The following PFKFB3 variants were observed in gnomAD, a reference collection of about 807,000 sequenced individuals.
The protein encoded by PFKFB3 is 6-phosphofructo-2-kinase/fructose-2,6-bisphosphatase 3.
PFKFB3 carries 33 observed loss-of-function variants against 68.0 expected under a neutral mutation model. The observed-to-expected ratio is 0.49, with a 90% confidence interval of 0.37 to 0.65. PFKFB3 has a LOEUF of 0.65. Ranked by LOEUF, PFKFB3 falls within the 30% of genes least tolerant of loss-of-function variation. The pLI, the probability that PFKFB3 is intolerant of heterozygous loss-of-function variation, is 0.00. For missense variants in PFKFB3, 586 were observed against 712.2 expected, an observed-to-expected ratio of 0.82 and a Z score of 2.02; for synonymous variants, 315 against 288.2, an observed-to-expected ratio of 1.09 and a Z score of -0.94.
the PFKFB3 span, among the ~76,000 whole-genome samples, chr10:6,268,027 T>C: frequency 6.6e-6 from 1 of 151,162 alleles, no homozygotes; most frequent in Non-Finnish European, 1.5e-5. Flanking sequence ...AAACCATGTG[T>C]AGTGTCCTGA....
At chr10:6,267,049 G>A in the PFKFB3 span, among the ~76,000 whole-genome samples, 1 of 152,184 alleles carries the variant, frequency 6.6e-6, no homozygotes, top group Non-Finnish European at 1.5e-5. Context: ...TTTAAAATTT[G>A]CTATTTAATG....
At chr10:6,262,312 G>T in the PFKFB3 span, among the ~76,000 whole-genome samples, 1 of 151,478 alleles carries the variant, frequency 6.6e-6, no homozygotes, top group Non-Finnish European at 1.5e-5. Flanking sequence ...AAATTAGCCG[G>T]GTGGGGTGGG....
Position 6,228,179 on chromosome 10 carries a change from C to T in PFKFB3, c.1515+1814C>T, listed in dbSNP as rs777722072. 1.9e-6 allele frequency: 3 copies of T among 1,612,772 alleles called. No individual in the cohort carries two copies. Among genetic ancestry groups the T allele is most frequent in the Admixed American group, 3.3e-5 (2 of 60,022 alleles). Reference sequence around the variant, plus strand: ...CCTGCCTCCTGACTGACTTCTCTCTCTGCTTCTCCTCCGCAGCCTTTGCTA... The same window carrying T: ...CCTGCCTCCTGACTGACTTCTCTCTTTGCTTCTCCTCCGCAGCCTTTGCTA... On this transcript the variant is annotated intron_variant, in intron 14 of 14. Transcript: ENST00000379775. The surrounding 1 kb of genome is among the most constrained non-coding windows in gnomAD (Gnocchi z 4.5).
intron 14 of PFKFB3, among the ~76,000 whole-genome samples, chr10:6,248,440 C>T (rs1846302855): frequency 6.6e-6 from 1 of 151,852 alleles, no homozygotes; most frequent in African/African-American, 2.4e-5. Flanking sequence ...ACAAGCCTGG[C>T]CGACATAGTG....
At chr10:6,307,510 TTTCCTTCCTTCCTTCCTTCCTTCC>T in the PFKFB3 span, among the ~76,000 whole-genome samples, 685 of 116,336 alleles carry the variant, frequency 5.9e-3, 7 homozygotes, top group East Asian at 0.038. Flanking sequence ...TCCTTCTCTT[TTTCCTTCCTTCCTTCCTTCCTTCC>T]TTCCTTCCTT....
At chr10:6,201,564 C>T (rs1353507574), upstream of PFKFB3, among the ~76,000 whole-genome samples, 1 of 144,146 alleles carries the variant, frequency 6.9e-6, no homozygotes. This position sits in a 1 kb window ranked among gnomAD's most constrained non-coding sequence, Gnocchi z 4.1. Context: ...AGTGGAGGCC[C>T]GGGTGGGGCG....
intron 14 of PFKFB3, among the ~76,000 whole-genome samples, chr10:6,246,181 G>A (rs138803812): frequency 1.4e-4 from 22 of 152,176 alleles, no homozygotes; most frequent in African/African-American, 5.3e-4. Flanking sequence ...ACTTGCACAG[G>A]GAAATTTGGA....
At chr10:6,232,133 T>C (rs896821863) in intron 14 of PFKFB3, among the ~76,000 whole-genome samples, 1 of 152,014 alleles carries the variant, frequency 6.6e-6, no homozygotes, top group Non-Finnish European at 1.5e-5. Flanking sequence ...GTTTTAAACA[T>C]TGTGTGTTTT....
chr10:6,237,137 C>T (rs11596852), downstream of PFKFB3, among the ~76,000 whole-genome samples: 3 of 152,226 alleles, frequency 2.0e-5, no homozygotes, highest in Admixed American at 6.5e-5. Flanking sequence ...GGGTTCTCCC[C>T]GACACTTCCT....
the PFKFB3 span, among the ~76,000 whole-genome samples, chr10:6,290,429 TG>T: frequency 6.6e-6 from 1 of 152,206 alleles, no homozygotes; most frequent in African/African-American, 2.4e-5. Flanking sequence ...TGTTGAATTT[TG>T]TCAAAGGCCT....
chr10:6,208,756 G>A (rs1843965661), intron 1 of PFKFB3, among the ~76,000 whole-genome samples: 1 of 152,164 alleles, frequency 6.6e-6, no homozygotes, highest in Non-Finnish European at 1.5e-5. Flanking sequence ...GGGAGAGCAG[G>A]AGTAGGAACC....
chr10:6,177,494 T>C (rs1332858113), intron 1 of PFKFB3, among the ~76,000 whole-genome samples: 2 of 149,442 alleles, frequency 1.3e-5, no homozygotes, highest in African/African-American at 2.5e-5. Flanking sequence ...CTTTTTCTTT[T>C]CTTTCTCTCT....
intron 1 of PFKFB3, among the ~76,000 whole-genome samples, chr10:6,145,982 AGGG>A (rs778825986): frequency 4.7e-4 from 72 of 152,098 alleles, no homozygotes; most frequent in Non-Finnish European, 9.0e-4. Flanking sequence ...AAGTGTGGGG[AGGG>A]GGGCCTCGAT....
Position 6,215,326 on chromosome 10 carries a change from G to C in PFKFB3, c.299+9G>C. 1 of 1,607,302 alleles carries C rather than the reference G, an allele frequency of 6.2e-7. No homozygotes were observed. Among genetic ancestry groups the C allele is most frequent in the Non-Finnish European group, 8.5e-7 (1 of 1,174,220 alleles). On this transcript the variant is annotated intron_variant, in intron 3 of 14. Coordinates refer to ENST00000379775, the MANE Select transcript of PFKFB3 (RefSeq NM_004566.4). The surrounding 1 kb of genome is among the most constrained non-coding windows in gnomAD (Gnocchi z 4.3). ...GCCATGAAAGTCCGGAAGTAAGGCT[G>C]GGCCGCGGGCGTAGGGCTGGGCTGT...
At chr10:6,155,695 T>C (rs768865326) in intron 1 of PFKFB3, among the ~76,000 whole-genome samples, 8 of 152,126 alleles carry the variant, frequency 5.3e-5, no homozygotes, top group South Asian at 4.1e-4. Context: ...CAAATCAGGA[T>C]ACTGGCTTGT....
chr10:6,153,551 T>G (rs938165918), intron 1 of PFKFB3, among the ~76,000 whole-genome samples: 1 of 151,744 alleles, frequency 6.6e-6, no homozygotes, highest in Admixed American at 6.6e-5. Flanking sequence ...AGAAAATAAC[T>G]CAGGAAAGAG....
At chr10:6,241,695 A>G (rs56046905) in intron 14 of PFKFB3, among the ~76,000 whole-genome samples, 2,548 of 152,270 alleles carry the variant, frequency 0.017, 66 homozygotes, top group African/African-American at 0.059. Flanking sequence ...TGAAGGAGAT[A>G]CTTTGAGGGT....
the PFKFB3 span, among the ~76,000 whole-genome samples, chr10:6,284,038 C>T: frequency 6.6e-6 from 1 of 152,208 alleles, no homozygotes; most frequent in African/African-American, 2.4e-5. Flanking sequence ...CACAATACAT[C>T]TTTCTCACTG....
chr10:6,241,299 C>T (rs374523364), intron 14 of PFKFB3, among the ~76,000 whole-genome samples: 3 of 152,184 alleles, frequency 2.0e-5, no homozygotes, highest in Non-Finnish European at 4.4e-5. Flanking sequence ...CGAGGTGAAG[C>T]GCCCTTCTCA....
Sources: allele counts gnomAD v4.1 joint callset (sites outside exome capture counted in the v4.1 genomes callset), GRCh38; gene constraint gnomAD v4.1.1; non-coding constraint Gnocchi (gnomAD v3.1); transcripts MANE v1.5; gene names NCBI Gene and HGNC (gene_info 2026-07-23, HGNC 2026-07-21).